Variants in SPIDR observed in about 807,000 individuals in gnomAD.
The protein encoded by SPIDR is scaffold protein involved in DNA repair, also known as DNA repair-scaffolding protein.
SPIDR carries 93 observed loss-of-function variants against 104.6 expected under a neutral mutation model. The observed-to-expected ratio is 0.89, with a 90% confidence interval of 0.75 to 1.06. The LOEUF is 1.06. Among genes scored for constraint, SPIDR ranks in the 50% least tolerant of loss-of-function variants. SPIDR has a pLI of 0.00. For missense variants in SPIDR, 1,154 were observed against 1,111.2 expected (o/e 1.04, Z -0.55); for synonymous variants, 431 against 416.9 (o/e 1.03, Z -0.41).
At chr8:47,447,373 A>G (rs6987882) in intron 8 of SPIDR, among the ~76,000 whole-genome samples, 111,458 of 151,874 alleles carry the variant, frequency 0.73, 41,036 homozygotes, top group East Asian at 0.81. Context: ...GCCACCACAC[A>G]CGGCTAATTT....
At chr8:47,311,722 T>A (rs1015374890) in intron 5 of SPIDR, among the ~76,000 whole-genome samples, 11 of 152,162 alleles carry the variant, frequency 7.2e-5, no homozygotes, top group Middle Eastern at 3.4e-3. Flanking sequence ...CTTTTTTTTT[T>A]TATATTATTA....
intron 8 of SPIDR, among the ~76,000 whole-genome samples, chr8:47,563,037 CTTT>C (rs75347314): frequency 2.2e-5 from 3 of 134,874 alleles, no homozygotes; most frequent in Non-Finnish European, 4.8e-5. Context: ...ACTCTTTTCT[CTTT>C]TTTTTTTTTT....
chr8:47,338,895 C>T (rs2050237106), intron 5 of SPIDR, among the ~76,000 whole-genome samples: 1 of 152,106 alleles, frequency 6.6e-6, no homozygotes, highest in Non-Finnish European at 1.5e-5. Context: ...GCCTTGACGT[C>T]TTTCAGCCTA....
At chr8:47,628,988 T>C (rs907818665) in intron 10 of SPIDR, among the ~76,000 whole-genome samples, 37 of 152,220 alleles carry the variant, frequency 2.4e-4, no homozygotes, top group African/African-American at 1.4e-4. Context: ...TTAGGGCCTT[T>C]GAAAAGTGCT....
At chr8:47,380,063 C>T (rs2059146790) in intron 5 of SPIDR, among the ~76,000 whole-genome samples, 1 of 152,212 alleles carries the variant, frequency 6.6e-6, no homozygotes, top group Non-Finnish European at 1.5e-5. Context: ...CCAGAAGCAA[C>T]CTGTCTTGCC....
chr8:47,322,686 G>C (rs112291056), intron 5 of SPIDR, among the ~76,000 whole-genome samples: 4 of 152,238 alleles, frequency 2.6e-5, no homozygotes, highest in Admixed American at 2.0e-4. Flanking sequence ...TTGGAGCCAA[G>C]CCAGATGTCC....
chr8:47,471,599 C>T (rs527354598), intron 8 of SPIDR, among the ~76,000 whole-genome samples: 5 of 152,008 alleles, frequency 3.3e-5, no homozygotes, highest in South Asian at 4.2e-4. Flanking sequence ...GAAAACAGTT[C>T]GGGAAATGAA....
chr8:47,513,821 AC>A (rs1479538041), intron 8 of SPIDR, among the ~76,000 whole-genome samples: 12 of 152,194 alleles, frequency 7.9e-5, no homozygotes, highest in Non-Finnish European at 1.3e-4. Context: ...TAAAATGGCT[AC>A]AAGTTCTAGG....
At chr8:47,437,907 C>G (rs1315523038) in intron 7 of SPIDR, among the ~76,000 whole-genome samples, 1 of 152,200 alleles carries the variant, frequency 6.6e-6, no homozygotes, top group Non-Finnish European at 1.5e-5. Flanking sequence ...CCAAAGAACT[C>G]TAAATCATGC....
At chr8:47,322,471 C>T (rs562251383) in intron 5 of SPIDR, among the ~76,000 whole-genome samples, 3 of 152,288 alleles carry the variant, frequency 2.0e-5, no homozygotes, top group South Asian at 4.1e-4. Context: ...GAAATAGGAA[C>T]ACTTTTACAC....
intron 5 of SPIDR, among the ~76,000 whole-genome samples, chr8:47,386,894 G>T (rs1295706518): frequency 1.5e-4 from 11 of 73,628 alleles, no homozygotes; most frequent in East Asian, 5.0e-4. Flanking sequence ...GAGAGAGAAA[G>T]AGAGAGAGAG....
At chr8:47,413,428 C>G (rs2063801640) in intron 7 of SPIDR, among the ~76,000 whole-genome samples, 1 of 152,210 alleles carries the variant, frequency 6.6e-6, no homozygotes, top group African/African-American at 2.4e-5. Flanking sequence ...CTCTTTCAAA[C>G]CCTGCCACTC....
chr8:47,336,652 G>A (rs782758521), intron 5 of SPIDR, among the ~76,000 whole-genome samples: 5 of 152,158 alleles, frequency 3.3e-5, no homozygotes, highest in Non-Finnish European at 7.3e-5. Flanking sequence ...AAGAAACTCA[G>A]AGCAGAAGGT....
At chr8:47,499,410 C>A (rs2079992208) in intron 8 of SPIDR, among the ~76,000 whole-genome samples, 1 of 152,132 alleles carries the variant, frequency 6.6e-6, no homozygotes, top group Admixed American at 6.5e-5. Context: ...CAGGCTCTCT[C>A]CTGTCAAGCA....
chr8:47,338,453 G>A (rs1226968495), intron 5 of SPIDR, among the ~76,000 whole-genome samples: 2 of 152,106 alleles, frequency 1.3e-5, no homozygotes, highest in African/African-American at 4.8e-5. Flanking sequence ...TTAAATAAAT[G>A]GCATTAATGA....
At chr8:47,353,031 C>T (rs1160299242) in intron 5 of SPIDR, among the ~76,000 whole-genome samples, 3 of 121,554 alleles carry the variant, frequency 2.5e-5, no homozygotes, top group African/African-American at 6.6e-5. Context: ...TCCAGCCAGG[C>T]GACAGAGCGG....
intron 8 of SPIDR, among the ~76,000 whole-genome samples, chr8:47,564,072 C>CTTTTTTTTTTT (rs869220760): frequency 1.2e-3 from 90 of 76,840 alleles, no homozygotes; most frequent in South Asian, 1.7e-3. Context: ...TTTTTCTTTT[C>CTTTTTTTTTTT]TTTTTTTTTT....
At chr8:47,441,772 T>G (rs1202057781) in intron 8 of SPIDR, among the ~76,000 whole-genome samples, 1 of 152,192 alleles carries the variant, frequency 6.6e-6, no homozygotes, top group African/African-American at 2.4e-5. Flanking sequence ...TTCATCGATT[T>G]AAAAATTTTT....
intron 7 of SPIDR, among the ~76,000 whole-genome samples, chr8:47,417,704 T>C (rs1334504403): frequency 4.6e-5 from 7 of 152,244 alleles, no homozygotes; most frequent in East Asian, 1.9e-4. Flanking sequence ...TGCCCATACC[T>C]ATGTCCTGAA....
Sources: allele counts gnomAD v4.1 joint callset (sites outside exome capture counted in the v4.1 genomes callset), GRCh38; gene constraint gnomAD v4.1.1; transcripts MANE v1.5; gene names NCBI Gene and HGNC (gene_info 2026-07-23, HGNC 2026-07-21).